Variants in DDAH1 observed in about 807,000 individuals in gnomAD.
The protein encoded by DDAH1 is dimethylarginine dimethylaminohydrolase 1.
A neutral mutation model predicts 28.8 loss-of-function variants in DDAH1; 19 were observed. The observed-to-expected ratio is 0.66, with a 90% CI of 0.46 to 0.97. The LOEUF (loss-of-function observed/expected upper bound fraction) is 0.97, where lower values mean the gene tolerates loss of function less well. Ranked by LOEUF, DDAH1 falls within the 50% of genes least tolerant of loss-of-function variation. DDAH1 has a pLI of 0.00. For missense variants in DDAH1, 326 were observed against 375.9 expected (o/e 0.87, Z 1.10); for synonymous variants, 153 against 154.4 (o/e 0.99, Z 0.07).
chr1:85,490,622 C>T (rs74098855), intron 2 of DDAH1, among the ~76,000 whole-genome samples: 1,855 of 152,298 alleles, frequency 0.012, 38 homozygotes, highest in African/African-American at 0.042. Context: ...TAATGCTTTC[C>T]AACAGGACAA....
At chr1:85,353,408 T>C (rs1026939299) in intron 2 of DDAH1, among the ~76,000 whole-genome samples, 73 of 152,184 alleles carry the variant, frequency 4.8e-4, no homozygotes, top group Non-Finnish European at 1.3e-4. Context: ...ATAACTTTAA[T>C]CTTCATAATG....
At chr1:85,414,643 T>C (rs560375142) in intron 1 of DDAH1, among the ~76,000 whole-genome samples, 1 of 152,166 alleles carries the variant, frequency 6.6e-6, no homozygotes, top group Non-Finnish European at 1.5e-5. Context: ...TTCTAAGAAA[T>C]GGAGGAGAGA....
At chr1:85,364,551 T>A (rs1169604154) in intron 1 of DDAH1, among the ~76,000 whole-genome samples, 1 of 133,442 alleles carries the variant, frequency 7.5e-6, no homozygotes, top group Non-Finnish European at 1.7e-5. Context: ...CTGATTACTT[T>A]CTTTTTTTTT....
intron 1 of DDAH1, among the ~76,000 whole-genome samples, chr1:85,421,255 A>G (rs567188730): frequency 2.3e-4 from 35 of 152,356 alleles, no homozygotes; most frequent in African/African-American, 8.4e-4. Flanking sequence ...CACAAAAGAA[A>G]TAACTTTATC....
intron 2 of DDAH1, among the ~76,000 whole-genome samples, chr1:85,487,155 T>C (rs961682540): frequency 6.6e-5 from 10 of 152,228 alleles, no homozygotes; most frequent in African/African-American, 7.2e-5. Flanking sequence ...TTCTCAGTAG[T>C]TGCTCTCCTT....
chr1:85,399,991 T>C (rs1187416980), intron 1 of DDAH1: 1 of 152,100 alleles, frequency 6.6e-6, no homozygotes. Flanking sequence ...AATTTTGTTC[T>C]TGAAATGCCC....
At chr1:85,493,706 AGCATGTGCCTGGAAC>A (rs1346095325) in intron 2 of DDAH1, 5 of 152,192 alleles carry the variant, frequency 3.3e-5, no homozygotes, top group Admixed American at 6.5e-5. Flanking sequence ...AATTTAGTTA[AGCATGTGCCTGGAAC>A]GCTAGACCTG....
intron 4 of DDAH1, among the ~76,000 whole-genome samples, chr1:85,337,228 C>G (rs763163354): frequency 6.6e-6 from 1 of 152,106 alleles, no homozygotes; most frequent in African/African-American, 2.4e-5. Flanking sequence ...ACTTAGGTGT[C>G]TTTGTAAGCT....
chr1:85,384,960 T>C (rs1429187259), intron 1 of DDAH1, among the ~76,000 whole-genome samples: 1 of 152,234 alleles, frequency 6.6e-6, no homozygotes, highest in Admixed American at 6.5e-5. Context: ...TAATGGAACT[T>C]GGAAGCTAAT....
chr1:85,423,142 A>G (rs778270614), intron 1 of DDAH1, among the ~76,000 whole-genome samples: 2 of 152,128 alleles, frequency 1.3e-5, no homozygotes, highest in Non-Finnish European at 2.9e-5. Flanking sequence ...TGCCTATTTT[A>G]TCACCAATAT....
Position 85,465,150 on chromosome 1 carries a change from C to G in DDAH1, c.-105G>C. Reference sequence around the variant, plus strand: ...GCGCCCGTCGGCTCCTCTTGGCAGCCGCTGAATGTGGTGCAGAAGGAGCCC... The same window carrying G: ...GCGCCCGTCGGCTCCTCTTGGCAGCGGCTGAATGTGGTGCAGAAGGAGCCC... On this transcript the variant is annotated 5_prime_UTR_variant, in exon 1 of 6. Transcript: ENST00000284031. 1 of 1,158,528 alleles carries G rather than the reference C, an allele frequency of 8.6e-7. No individual in the cohort carries two copies. The highest frequency in any genetic ancestry group is 1.1e-6 in the Non-Finnish European group (1 of 941,706). 71.8% of individuals were successfully genotyped at this position (1,158,528 alleles called of 1,614,324 possible).
intron 1 of DDAH1, among the ~76,000 whole-genome samples, chr1:85,415,943 GAATCA>G (rs1485654683): frequency 2.0e-5 from 3 of 151,996 alleles, no homozygotes; most frequent in African/African-American, 2.4e-5. Flanking sequence ...ATTTTAAAAT[GAATCA>G]AATTCTTCCT....
intron 1 of DDAH1, among the ~76,000 whole-genome samples, chr1:85,374,196 A>T (rs189641502): frequency 6.6e-6 from 1 of 151,932 alleles, no homozygotes; most frequent in Non-Finnish European, 1.5e-5. Flanking sequence ...CCTGTGGTCT[A>T]CTCCATCCAG....
intron 1 of DDAH1, among the ~76,000 whole-genome samples, chr1:85,397,537 G>A (rs1017743872): frequency 5.3e-5 from 8 of 152,052 alleles, no homozygotes; most frequent in African/African-American, 1.2e-4. Flanking sequence ...TTAAGAAAAC[G>A]ATTTTTTAAA....
At chr1:85,373,559 C>T (rs1053739691) in intron 1 of DDAH1, among the ~76,000 whole-genome samples, 21 of 152,184 alleles carry the variant, frequency 1.4e-4, no homozygotes, top group African/African-American at 4.6e-4. Flanking sequence ...TCTCTCTTTC[C>T]TGTTACCTTG....
chr1:85,341,812 CAAAAACAAAAACAAAGAG>C (rs1461432440), intron 4 of DDAH1, among the ~76,000 whole-genome samples: 3 of 150,394 alleles, frequency 2.0e-5, no homozygotes, highest in Admixed American at 6.7e-5. Flanking sequence ...GACTCTGTCT[CAAAAACAAAAACAAAGAG>C]AAAAACAAAA....
chr1:85,427,316 G>T (rs1653453225), intron 1 of DDAH1, among the ~76,000 whole-genome samples: 1 of 150,534 alleles, frequency 6.6e-6, no homozygotes, highest in Non-Finnish European at 1.5e-5. Flanking sequence ...AAACAAACTG[G>T]AGAAGAGGGC....
intron 2 of DDAH1, among the ~76,000 whole-genome samples, chr1:85,489,413 G>A (rs1188088785): frequency 1.3e-5 from 2 of 152,196 alleles, no homozygotes; most frequent in Admixed American, 6.5e-5. Context: ...TCAAGCCTAG[G>A]TGACTCAGTA....
chr1:85,425,103 T>A (rs1010665224), intron 1 of DDAH1, among the ~76,000 whole-genome samples: 2 of 152,130 alleles, frequency 1.3e-5, no homozygotes, highest in African/African-American at 4.8e-5. Context: ...GCAGTTCATT[T>A]TCATGTGAGC....
Sources: allele counts gnomAD v4.1 joint callset (sites outside exome capture counted in the v4.1 genomes callset), GRCh38; gene constraint gnomAD v4.1.1; transcripts MANE v1.5; gene names NCBI Gene and HGNC (gene_info 2026-07-23, HGNC 2026-07-21).